The following ADGRB3 variants were observed in gnomAD, a reference collection of about 807,000 sequenced individuals.
ADGRB3 encodes the protein brain-specific angiogenesis inhibitor 3.
A neutral mutation model predicts 193.4 loss-of-function variants in ADGRB3; 37 were observed. The observed-to-expected ratio is 0.19, with a 90% CI of 0.15 to 0.25. The LOEUF is 0.25. ADGRB3 is among the 10% of genes least tolerant of loss of function. ADGRB3 has a pLI of 1.00. For synonymous variants in ADGRB3, 690 were observed against 644.2 expected (o/e 1.07, Z -1.08); for missense variants, 1,637 against 1,852.9 (o/e 0.88, Z 2.14).
chr6:69,201,060 T>C (rs1293434128), intron 17 of ADGRB3, among the ~76,000 whole-genome samples: 1 of 152,134 alleles, frequency 6.6e-6, no homozygotes, highest in African/African-American at 2.4e-5. Flanking sequence ...ATTGTATCTT[T>C]CCACCTGAGA....
intron 15 of ADGRB3, among the ~76,000 whole-genome samples, chr6:69,051,994 C>G (rs1175607197): frequency 6.6e-6 from 1 of 152,036 alleles, no homozygotes; most frequent in African/African-American, 2.4e-5. Flanking sequence ...GGGTTCACAC[C>G]ATTCTCCTGC....
intron 3 of ADGRB3, among the ~76,000 whole-genome samples, chr6:68,875,772 T>C (rs1765579335): frequency 2.0e-5 from 3 of 152,058 alleles, no homozygotes; most frequent in Admixed American, 2.0e-4. Context: ...AAGTAAATAA[T>C]TTTGGTGTTA....
chr6:69,082,843 C>A (rs1027517491), intron 17 of ADGRB3, among the ~76,000 whole-genome samples: 2 of 152,200 alleles, frequency 1.3e-5, no homozygotes, highest in South Asian at 4.1e-4. Flanking sequence ...TGTTAATTGT[C>A]CTTAACAAAC....
At chr6:68,936,776 G>A (rs1767496589) in intron 5 of ADGRB3, 96 bp downstream of exon 5, 2 of 1,308,670 alleles carry the variant, frequency 1.5e-6, no homozygotes, top group Non-Finnish European at 2.1e-6. Flanking sequence ...ACGGGTATAG[G>A]CATTTTGATT....
rs73745911 is a variant in ADGRB3 at position 69,008,157 on chromosome 6, A to G, written c.1930-5881A>G. Among the ~76,000 whole-genome samples, 180 of 152,264 alleles carry G rather than the reference A, an allele frequency of 1.2e-3. 1 individual carries two copies. Among genetic ancestry groups the G allele is most frequent in the African/African-American group, 4.1e-3 (170 of 41,580 alleles). On this transcript the variant is annotated intron_variant, in intron 11 of 31. Coordinates refer to ENST00000370598, the MANE Select transcript of ADGRB3 (RefSeq NM_001704.3). ...TCAACAGCTGAATTTTGGAGGCATC[A>G]TATTCAAACTGCTGCAATCACTGTC...
chr6:68,780,557 G>A (rs1318378284), intron 3 of ADGRB3, among the ~76,000 whole-genome samples: 1 of 152,054 alleles, frequency 6.6e-6, no homozygotes, highest in Non-Finnish European at 1.5e-5. Flanking sequence ...ATTAAGAAAT[G>A]GATGAGCACC....
Position 68,955,895 on chromosome 6 carries a change from C to A in ADGRB3, c.1196-129C>A, listed in dbSNP as rs534509829. The A allele has an allele frequency of 3.4e-4, 266 of 790,314 alleles. 1 individual carries two copies. In the African/African-American group the frequency reaches 4.4e-3, roughly 13 times the overall value. 49.0% of individuals were successfully genotyped at this position (790,314 alleles called of 1,614,324 possible). On this transcript the variant is annotated intron_variant, in intron 6 of 31. Transcript: ENST00000370598. ...TTAATAAAATCTCATGCTGGTGTGA[C>A]CTTCCATTGTATTCATTCATAGTCC...
Position 69,174,558 on chromosome 6 carries a change from A to G in ADGRB3, c.2481-58732A>G, listed in dbSNP as rs142305476. Among the ~76,000 whole-genome samples, 687 of 152,352 alleles carry G rather than the reference A, an allele frequency of 4.5e-3. 7 individuals are homozygous for G. Among genetic ancestry groups the G allele is most frequent in the African/African-American group, 0.015 (638 of 41,576 alleles). On this transcript the variant is annotated intron_variant, in intron 17 of 31. Transcript: ENST00000370598. ...TATTGTAAATAGTGCTGCAATGCAC[A>G]TATAAGTTCATGTGTCTTTTTGGTA...
intron 3 of ADGRB3, among the ~76,000 whole-genome samples, chr6:68,683,611 T>C (rs1764934282): frequency 6.6e-6 from 1 of 152,140 alleles, no homozygotes; most frequent in Admixed American, 6.6e-5. Flanking sequence ...TGAAGAATAT[T>C]TGATGGGCCA....
intron 3 of ADGRB3, among the ~76,000 whole-genome samples, chr6:68,799,924 G>A (rs1767280315): frequency 6.6e-6 from 1 of 152,144 alleles, no homozygotes; most frequent in Non-Finnish European, 1.5e-5. Flanking sequence ...GGTAGGAAGT[G>A]ACCTTGAAAT....
intron 27 of ADGRB3, among the ~76,000 whole-genome samples, chr6:69,355,008 C>G (rs1769309277): frequency 6.6e-6 from 1 of 152,000 alleles, no homozygotes; most frequent in African/African-American, 2.4e-5. Flanking sequence ...TTATTATTAA[C>G]TTTTTTGAAC....
intron 20 of ADGRB3, among the ~76,000 whole-genome samples, chr6:69,297,198 T>C (rs1367747212): frequency 2.0e-5 from 3 of 152,106 alleles, no homozygotes; most frequent in African/African-American, 7.2e-5. Flanking sequence ...GTGAAGGTTG[T>C]TTGTTAATAT....
intron 3 of ADGRB3, among the ~76,000 whole-genome samples, chr6:68,831,609 G>A (rs981795075): frequency 7.2e-5 from 11 of 152,094 alleles, no homozygotes; most frequent in Admixed American, 7.2e-4. Context: ...CAAGATGATC[G>A]AGTGTGGAAC....
chr6:69,161,875 C>T (rs62406804), intron 17 of ADGRB3, among the ~76,000 whole-genome samples: 21,460 of 152,068 alleles, frequency 0.14, 1,575 homozygotes, highest in Middle Eastern at 0.16. Flanking sequence ...CACAACATGG[C>T]AGCTGGCATC....
intron 3 of ADGRB3, among the ~76,000 whole-genome samples, chr6:68,902,372 G>A (rs1364204661): frequency 1.3e-5 from 2 of 151,872 alleles, no homozygotes; most frequent in African/African-American, 4.8e-5. Context: ...ATTAACACAT[G>A]GTAGTGTCAA....
At chr6:68,722,393 G>A (rs1386501038) in intron 3 of ADGRB3, among the ~76,000 whole-genome samples, 1 of 151,536 alleles carries the variant, frequency 6.6e-6, no homozygotes, top group Admixed American at 6.6e-5. Flanking sequence ...TGGGTTGATG[G>A]GTGCAGCAAA....
chr6:68,982,485 C>T (rs1768946659), intron 10 of ADGRB3, among the ~76,000 whole-genome samples: 1 of 152,138 alleles, frequency 6.6e-6, no homozygotes, highest in African/African-American at 2.4e-5. Flanking sequence ...ATCCTGTCAG[C>T]TCTGAGAGAC....
At chr6:69,121,712 G>T (rs1773694218) in intron 17 of ADGRB3, among the ~76,000 whole-genome samples, 1 of 151,614 alleles carries the variant, frequency 6.6e-6, no homozygotes, top group South Asian at 2.1e-4. Flanking sequence ...TGGCGGCCGG[G>T]CAGAGGCGCA....
At chr6:68,999,962 AAG>A (rs1769516825) in intron 11 of ADGRB3, among the ~76,000 whole-genome samples, 1 of 146,080 alleles carries the variant, frequency 6.8e-6, no homozygotes, top group African/African-American at 2.4e-5. Context: ...AGAGGAAAAA[AAG>A]AAAAAAAAAT....
Sources: allele counts gnomAD v4.1 joint callset (sites outside exome capture counted in the v4.1 genomes callset), GRCh38; gene constraint gnomAD v4.1.1; transcripts MANE v1.5; gene names NCBI Gene and HGNC (gene_info 2026-07-23, HGNC 2026-07-21).